Variants in PDE10A observed in about 807,000 individuals in gnomAD.
The protein encoded by PDE10A is phosphodiesterase 10A.
In PDE10A, 39 loss-of-function variants were observed where a neutral mutation model predicts 97.7. The observed-to-expected ratio is 0.40, with a 90% CI of 0.31 to 0.52. The LOEUF is 0.52. Ranked by LOEUF, PDE10A falls within the 20% of genes least tolerant of loss-of-function variation. PDE10A has a pLI of 0.56. For synonymous variants in PDE10A, 371 were observed against 376.8 expected (o/e 0.98, Z 0.18); for missense variants, 731 against 1,047.8 (o/e 0.70, Z 4.17).
At chr6:165,708,819 C>G (rs181146732) in intron 1 of PDE10A, among the ~76,000 whole-genome samples, 4 of 98,482 alleles carry the variant, frequency 4.1e-5, no homozygotes, top group East Asian at 3.8e-4. Flanking sequence ...ACTCTCCACC[C>G]CCATGCTGCC....
rs147212779 is a variant in PDE10A at position 165,418,855 on chromosome 6, G to T, written c.1654-78C>A. ...GCAGGTAAACTTTATCATAAAATAA[G>T]TATTAATTTCAGCTGTCCTATACTC... On this transcript the variant is annotated intron_variant, in intron 10 of 21. Coordinates refer to ENST00000539869, the MANE Select transcript of PDE10A (RefSeq NM_001385079.1). This position sits in a 1 kb window ranked among gnomAD's most constrained non-coding sequence, Gnocchi z 4.8. The T allele has an allele frequency of 6.3e-3, 7,665 of 1,220,730 alleles. 50 individuals carry two copies. The highest frequency in any genetic ancestry group is 7.5e-3 in the South Asian group (589 of 78,540). The allele number at this position is 1,220,730 out of a possible 1,614,324, so 75.6% of individuals were successfully genotyped here.
At chr6:165,868,454 T>G (rs2498579) in intron 1 of PDE10A, among the ~76,000 whole-genome samples, 118,723 of 152,012 alleles carry the variant, frequency 0.78, 46,692 homozygotes, top group East Asian at 0.96. Context: ...TATGAAGATT[T>G]AACCAGAAAG....
chr6:165,427,383 G>A (rs890767995), intron 10 of PDE10A, among the ~76,000 whole-genome samples: 1 of 152,120 alleles, frequency 6.6e-6, no homozygotes, highest in African/African-American at 2.4e-5. Context: ...TACATATTAT[G>A]TGATTCTTTT....
chr6:165,748,941 G>A (rs1045856116), intron 1 of PDE10A, among the ~76,000 whole-genome samples: 4 of 152,014 alleles, frequency 2.6e-5, no homozygotes, highest in East Asian at 1.9e-4. Flanking sequence ...TGCCACTGCC[G>A]CTGTGCAATT....
intron 1 of PDE10A, among the ~76,000 whole-genome samples, chr6:165,714,221 G>A (rs1359349345): frequency 2.0e-5 from 3 of 152,206 alleles, no homozygotes; most frequent in Non-Finnish European, 2.9e-5. Flanking sequence ...CAAGCTCTGC[G>A]TGGGCAGTCA....
chr6:165,967,793 T>C (rs896088758), intron 1 of PDE10A, among the ~76,000 whole-genome samples: 5 of 152,178 alleles, frequency 3.3e-5, no homozygotes, highest in Non-Finnish European at 7.4e-5. Context: ...TAATCAACTT[T>C]CATGAATTTA....
At chr6:165,830,645 G>T (rs568058168) in intron 1 of PDE10A, among the ~76,000 whole-genome samples, 3 of 152,218 alleles carry the variant, frequency 2.0e-5, no homozygotes, top group East Asian at 3.9e-4. Context: ...GGGCCTCCAG[G>T]TCCTGTTTGT....
Position 165,655,492 on chromosome 6 carries a change from C to T in PDE10A, c.865+6455G>A, listed in dbSNP as rs754515583. 4.0e-5 allele frequency among the ~76,000 whole-genome samples: 6 copies of T among 148,854 alleles called. No homozygotes were observed. Among genetic ancestry groups the T allele is most frequent in the African/African-American group, 7.5e-5 (3 of 39,818 alleles). On this transcript the variant is annotated intron_variant, in intron 1 of 21. Transcript: ENST00000539869. This position sits in a 1 kb window ranked among gnomAD's most constrained non-coding sequence, Gnocchi z 4.5. ...TTCTTGATTCCTCTCTCTCCCTTGA[C>T]GTCCCCATATCCAACCCACCTGCAG...
chr6:165,707,744 T>G (rs1791754070), intron 1 of PDE10A, among the ~76,000 whole-genome samples: 2 of 152,044 alleles, frequency 1.3e-5, no homozygotes, highest in African/African-American at 2.4e-5. Context: ...TGAGTGTGTG[T>G]GGGAGACTGA....
intron 2 of PDE10A, among the ~76,000 whole-genome samples, chr6:165,518,390 C>A (rs77023591): frequency 6.6e-6 from 1 of 152,100 alleles, no homozygotes; most frequent in Non-Finnish European, 1.5e-5. Flanking sequence ...TCCACCATTC[C>A]GAGTAGTTAT....
chr6:165,984,093 G>T (rs181682463), intron 1 of PDE10A, among the ~76,000 whole-genome samples: 1 of 152,306 alleles, frequency 6.6e-6, no homozygotes, highest in Non-Finnish European at 1.5e-5. Context: ...CATATTCTCA[G>T]ACAATTACCA....
At chr6:165,777,506 G>C (rs1360658700) in intron 1 of PDE10A, among the ~76,000 whole-genome samples, 1 of 150,920 alleles carries the variant, frequency 6.6e-6, no homozygotes, top group African/African-American at 2.5e-5. Context: ...GTCAGTAGTG[G>C]CCCATCTCTA....
intron 2 of PDE10A, among the ~76,000 whole-genome samples, chr6:165,502,963 A>T (rs1780981595): frequency 6.6e-6 from 1 of 152,198 alleles, no homozygotes; most frequent in South Asian, 2.1e-4. Context: ...TCATTAAACT[A>T]TATAGTTAAA....
At chr6:165,974,211 T>G (rs193186590) in intron 1 of PDE10A, among the ~76,000 whole-genome samples, 1 of 152,244 alleles carries the variant, frequency 6.6e-6, no homozygotes, top group Non-Finnish European at 1.5e-5. Context: ...CTTTCACAAA[T>G]GTATGTCTCT....
intron 1 of PDE10A, among the ~76,000 whole-genome samples, chr6:165,870,402 A>G (rs1337849488): frequency 6.6e-6 from 1 of 152,208 alleles, no homozygotes; most frequent in Non-Finnish European, 1.5e-5. Context: ...ACAATGAGAT[A>G]TTGTCTCACT....
chr6:165,954,312 C>T (rs376493141), intron 1 of PDE10A, among the ~76,000 whole-genome samples: 58 of 152,274 alleles, frequency 3.8e-4, no homozygotes, highest in Admixed American at 7.8e-4. Context: ...ACTCTTGTGA[C>T]GTACTGATAT....
At chr6:165,653,222 TCAA>T (rs1789770265) in intron 1 of PDE10A, among the ~76,000 whole-genome samples, 1 of 152,222 alleles carries the variant, frequency 6.6e-6, no homozygotes, top group Non-Finnish European at 1.5e-5. Context: ...ATTCATTCAT[TCAA>T]CTTATTTTGC....
intron 1 of PDE10A, among the ~76,000 whole-genome samples, chr6:165,863,979 T>C (rs1780975273): frequency 6.6e-6 from 1 of 152,184 alleles, no homozygotes; most frequent in African/African-American, 2.4e-5. Flanking sequence ...AAAGGGAATA[T>C]GCCTAAGGGG....
At chr6:165,608,509 C>G (rs1787335799) in intron 1 of PDE10A, among the ~76,000 whole-genome samples, 1 of 151,994 alleles carries the variant, frequency 6.6e-6, no homozygotes, top group Admixed American at 6.6e-5. Context: ...TCCAGTCTAT[C>G]ATTGTTGGAC....
Sources: gnomAD v4.1 joint callset for allele counts (sites outside exome capture counted in the v4.1 genomes callset) on GRCh38, gnomAD v4.1.1 for gene constraint, Gnocchi (gnomAD v3.1) non-coding constraint, MANE v1.5 for transcripts, NCBI Gene and HGNC (gene_info 2026-07-23, HGNC 2026-07-21) for gene names.